The following AP1G1 variants were observed in gnomAD, a reference collection of about 807,000 sequenced individuals.
AP1G1 encodes AP-1 complex subunit gamma-1.
Under a neutral mutation model 108.3 loss-of-function variants are expected in AP1G1, and 7 were observed. The observed-to-expected ratio is 0.06, with a 90% CI of 0.04 to 0.12. The LOEUF (loss-of-function observed/expected upper bound fraction) is 0.12, where lower values mean the gene tolerates loss of function less well. Ranked by LOEUF, AP1G1 falls within the 10% of genes least tolerant of loss-of-function variation. The probability of loss-of-function intolerance (pLI) is 1.00; values close to 1 mark genes in which losing one functional copy is unlikely to be tolerated. For missense variants in AP1G1, 756 were observed against 1,010.7 expected (o/e 0.75, Z 3.42); for synonymous variants, 379 against 353.5 (o/e 1.07, Z -0.81).
At chr16:71,775,957 T>C (rs2031766905) in intron 2 of AP1G1, among the ~76,000 whole-genome samples, 3 of 152,200 alleles carry the variant, frequency 2.0e-5, no homozygotes, top group South Asian at 4.1e-4. Flanking sequence ...ACATACTTTA[T>C]CACTCCATCT....
chr16:71,768,245 C>T (rs1244980102), intron 6 of AP1G1, among the ~76,000 whole-genome samples: 2 of 149,772 alleles, frequency 1.3e-5, no homozygotes, highest in East Asian at 3.9e-4. Flanking sequence ...CGCCTGTAAT[C>T]CCAGCACTTG....
At chr16:71,758,197 A>C (rs183540009) in intron 11 of AP1G1, among the ~76,000 whole-genome samples, 100 of 152,324 alleles carry the variant, frequency 6.6e-4, no homozygotes, top group South Asian at 1.5e-3. Context: ...CATACAACCA[A>C]AAGTTCAGAG....
In AP1G1 at chr16:71,783,270, A is replaced by G. The variant is rs113494777; in HGVS notation, c.201+6009T>C. ...AGAAAATGTATAAGGATATCAAAGG[A>G]AAAAAAAGAACTGCCATTGTTTGCA... On this transcript the variant is annotated intron_variant, in intron 2 of 22. Transcript: ENST00000299980. 2.4e-3 allele frequency among the ~76,000 whole-genome samples: 371 copies of G among 152,154 alleles called. 2 individuals carry two copies. Among genetic ancestry groups the G allele is most frequent in the African/African-American group, 8.0e-3 (332 of 41,522 alleles).
At chr16:71,761,483 A>C in intron 10 of AP1G1, 29 bp downstream of exon 10, 1 of 1,452,820 alleles carries the variant, frequency 6.9e-7, no homozygotes, top group African/African-American at 1.4e-5. Context: ...ATAATATCCA[A>C]GATAAAAGAC....
At chr16:71,752,836 TTTTAC>T (rs1447478666) in intron 13 of AP1G1, among the ~76,000 whole-genome samples, 4 of 152,184 alleles carry the variant, frequency 2.6e-5, no homozygotes, top group African/African-American at 9.6e-5. Flanking sequence ...GATACCTCAA[TTTTAC>T]TTTATTTCTT....
intron 2 of AP1G1, among the ~76,000 whole-genome samples, chr16:71,776,062 G>A (rs1057360443): frequency 2.6e-5 from 4 of 152,152 alleles, no homozygotes; most frequent in Non-Finnish European, 5.9e-5. Context: ...TAAAAACCAT[G>A]ATCCCCTTTA....
Position 71,794,835 on chromosome 16 carries a change from CTTTTTTTTTTTT to C in AP1G1, c.-3-5365_-3-5354del, listed in dbSNP as rs55761928. Among the ~76,000 whole-genome samples the C allele has an allele frequency of 2.9e-3, 116 of 39,662 alleles. 2 individuals carry two copies. The South Asian group carries it at 0.084, about 29-fold the overall frequency. 26.0% of individuals were successfully genotyped at this position (39,662 alleles called of 152,430 possible). A position where few individuals can be genotyped will look rare whatever the true frequency, so the allele number is the denominator to read the frequency against. ...TACCATTCTCAGGCCATGAGAAGTGCTTTTTTTTTTTTTTTTTTTTTTTTTTTTTACTTTGAA... is the reference window on the plus strand; with the variant it reads ...TACCATTCTCAGGCCATGAGAAGTGCTTTTTTTTTTTTTTTTTACTTTGAA... On this transcript the variant is annotated intron_variant, in intron 1 of 22. Transcript: ENST00000299980.
At chr16:71,764,917 T>C (rs982444730) in intron 7 of AP1G1, among the ~76,000 whole-genome samples, 191 bp from the exon 8 acceptor site, 1 of 152,242 alleles carries the variant, frequency 6.6e-6, no homozygotes, top group Admixed American at 6.5e-5. Context: ...TATATATGCT[T>C]CTACATCTAA....
chr16:71,761,816 CAA>C (rs375647068), intron 9 of AP1G1, among the ~76,000 whole-genome samples: 1,973 of 44,662 alleles, frequency 0.044, 88 homozygotes, highest in East Asian at 0.33. Flanking sequence ...GACTCCATCT[CAA>C]AAAAAAAAAA....
At chr16:71,774,357 T>C in intron 3 of AP1G1, 111 bp downstream of exon 3, 1 of 1,188,456 alleles carries the variant, frequency 8.4e-7, no homozygotes, top group Non-Finnish European at 1.2e-6. Context: ...TGAGTCAAGA[T>C]CACGCCACTT....
intron 1 of AP1G1, chr16:71,806,715 G>C: frequency 7.8e-7 from 1 of 1,288,320 alleles, no homozygotes; most frequent in Non-Finnish European, 1.0e-6. Context: ...TAGGTGTTCA[G>C]TGTTTGACAG....
chr16:71,803,817 C>T (rs989880859), intron 1 of AP1G1, among the ~76,000 whole-genome samples: 4 of 147,678 alleles, frequency 2.7e-5, no homozygotes, highest in Non-Finnish European at 4.5e-5. Context: ...CCCAGCTACT[C>T]GGGAGGCTGA....
chr16:71,758,575 C>A, intron 11 of AP1G1: 7 of 606,996 alleles, frequency 1.2e-5, no homozygotes, highest in South Asian at 1.1e-4. Context: ...CTTCAGTGTG[C>A]ACTTAAGTAT....
chr16:71,770,167 G>A (rs2031516329), intron 5 of AP1G1, among the ~76,000 whole-genome samples: 1 of 152,164 alleles, frequency 6.6e-6, no homozygotes, highest in East Asian at 1.9e-4. Flanking sequence ...CTGCTCCAGA[G>A]TCAGTAAAAA....
chr16:71,767,953 T>C, intron 6 of AP1G1: 3 of 1,520,706 alleles, frequency 2.0e-6, no homozygotes, highest in Non-Finnish European at 1.8e-6. Flanking sequence ...TAGGGACAGA[T>C]ACGGGTCTCA....
chr16:71,778,551 C>T (rs896336953), intron 2 of AP1G1, among the ~76,000 whole-genome samples: 1 of 151,898 alleles, frequency 6.6e-6, no homozygotes. Context: ...GGCGTAGCGG[C>T]GTGAGCCTGT....
chr16:71,788,850 TCTCA>T (rs2032301716), intron 2 of AP1G1, among the ~76,000 whole-genome samples: 1 of 150,566 alleles, frequency 6.6e-6, no homozygotes, highest in African/African-American at 2.4e-5. Flanking sequence ...AAGAGCAGGG[TCTCA>T]CTATGTTGCC....
chr16:71,803,003 T>C (rs989563308), intron 1 of AP1G1, among the ~76,000 whole-genome samples: 1 of 151,946 alleles, frequency 6.6e-6, no homozygotes, highest in Non-Finnish European at 1.5e-5. Flanking sequence ...TCACCTGAGG[T>C]CAGGATTTCG....
intron 1 of AP1G1, among the ~76,000 whole-genome samples, chr16:71,797,238 A>G (rs929857384): frequency 8.5e-5 from 13 of 152,080 alleles, no homozygotes; most frequent in East Asian, 1.9e-4. Flanking sequence ...TGGCTTAAAG[A>G]CATGACCCAA....
Sources: gnomAD v4.1 joint callset for allele counts (sites outside exome capture counted in the v4.1 genomes callset) on GRCh38, gnomAD v4.1.1 for gene constraint, MANE v1.5 for transcripts, NCBI Gene and HGNC (gene_info 2026-07-23, HGNC 2026-07-21) for gene names.